The following NEXMIF variants were observed in gnomAD, a reference collection of about 807,000 sequenced individuals.
NEXMIF encodes the protein XLMR protein related to neurite extension.
In NEXMIF, 8 loss-of-function variants were observed where a neutral mutation model predicts 62.1. That is an observed-to-expected ratio of 0.13 (90% CI 0.08 to 0.23). The LOEUF (loss-of-function observed/expected upper bound fraction) is 0.23. NEXMIF is among the 10% of genes least tolerant of loss of function. The pLI is 1.00. For synonymous variants in NEXMIF, 404 were observed against 416.6 expected, an observed-to-expected ratio of 0.97 and a Z score of 0.37; for missense variants, 976 against 1,113.3, an observed-to-expected ratio of 0.88 and a Z score of 1.75.
At chrX:74,795,625 C>T (rs1348874955) in intron 1 of NEXMIF, among the ~76,000 whole-genome samples, 2 of 111,341 alleles carry the variant, frequency 1.8e-5, no homozygotes, top group African/African-American at 3.3e-5. Context: ...GAGCACATGA[C>T]ATTATGCATT....
At chrX:74,922,141 T>C (rs1419823231) in intron 1 of NEXMIF, among the ~76,000 whole-genome samples, 5 of 111,647 alleles carry the variant, frequency 4.5e-5, no homozygotes, top group Non-Finnish European at 9.4e-5. Context: ...CTCCAACACT[T>C]AGCACTTTTC....
At chrX:74,764,926 A>C (rs1216141438) in intron 1 of NEXMIF, among the ~76,000 whole-genome samples, 1 of 111,641 alleles carries the variant, frequency 9.0e-6, no homozygotes, top group Non-Finnish European at 1.9e-5. Flanking sequence ...CATTCTGTAG[A>C]GGTCTATCAG....
intron 1 of NEXMIF, among the ~76,000 whole-genome samples, chrX:74,905,740 T>C (rs770793161): frequency 9.1e-6 from 1 of 110,020 alleles, no homozygotes; most frequent in African/African-American, 3.3e-5. Context: ...AACTCAGGAG[T>C]TGGAGGCTGC....
intron 1 of NEXMIF, among the ~76,000 whole-genome samples, chrX:74,774,885 C>T (rs2080224182): frequency 9.0e-6 from 1 of 111,616 alleles, no homozygotes; most frequent in Non-Finnish European, 1.9e-5. Flanking sequence ...GAAAACTGCA[C>T]ACTCACATTT....
chrX:74,904,074 G>A (rs752899097), intron 1 of NEXMIF, among the ~76,000 whole-genome samples: 44 of 111,044 alleles, frequency 4.0e-4, no homozygotes, highest in African/African-American at 1.4e-3. Context: ...AACTACCACA[G>A]TCTTTTCCTC....
chrX:74,891,262 G>A (rs62612362), intron 1 of NEXMIF, among the ~76,000 whole-genome samples: 3,048 of 109,803 alleles, frequency 0.028, 47 homozygotes, highest in Middle Eastern at 0.061. Flanking sequence ...AGGCAGAGCA[G>A]CTCCGCCTCA....
chrX:74,835,625 T>C (rs1488355794), intron 1 of NEXMIF, among the ~76,000 whole-genome samples: 1 of 111,559 alleles, frequency 9.0e-6, no homozygotes, highest in East Asian at 2.8e-4. Context: ...AAACAGTCTC[T>C]GTCTCTGAGC....
At position 74,742,206 on chromosome X, in the gene NEXMIF, C is replaced by A. The variant is rs770027434; in HGVS notation, c.2351G>T (p.Ser784Ile). Residue 784 changes from serine to isoleucine, a missense_variant, in exon 3 of 4, where the codon AGT becomes ATT. By Grantham distance (142) the Ser-to-Ile change is moderately radical. Transcript: ENST00000055682. ...GCATGTCGTTGGTAGAAAAGTGGAA[C>A]TCTTAGCAGCCTTTGCCTCATGAAA... ...SEFHEAKAAKSSTFLPTTCSS... is the reference protein window; with the variant it reads ...SEFHEAKAAKISTFLPTTCSS... 1 of 1,209,593 alleles carries A rather than the reference C, an allele frequency of 8.3e-7. No individual in the cohort carries two copies. The highest frequency in any genetic ancestry group is 1.1e-6 in the Non-Finnish European group (1 of 894,909).
intron 1 of NEXMIF, among the ~76,000 whole-genome samples, chrX:74,897,809 C>T (rs1389836223): frequency 1.8e-5 from 2 of 111,674 alleles, no homozygotes; most frequent in African/African-American, 6.5e-5. Flanking sequence ...CAAATTAAAC[C>T]ACATGGTGAA....
In NEXMIF at chrX:74,743,702, T is replaced by C. The variant is rs3762242; in HGVS notation, c.855A>G (p.Leu285=). The part of the protein sequence containing the change: ...LCSKNELSVN[L]FSEEDVDNYM... ...AGTTATCCACATCTTCTTCAGAGAA[T>C]AGGTTGACAGACAGCTCATTTTTGG... The change falls in exon 3 of 4, where the codon CTA becomes CTG. Residue 285 remains leucine, a synonymous_variant. Transcript: ENST00000055682. 1.9e-3 allele frequency: 2,271 copies of C among 1,210,141 alleles called. 23 individuals carry two copies. In the East Asian group the frequency reaches 0.038, roughly 20 times the overall value.
At chrX:74,835,660 G>C (rs1352969380) in intron 1 of NEXMIF, among the ~76,000 whole-genome samples, 1 of 111,206 alleles carries the variant, frequency 9.0e-6, no homozygotes, top group African/African-American at 3.3e-5. Flanking sequence ...GTGGGGGTAT[G>C]GTGATGGAAG....
chrX:74,898,859 TGAA>T (rs2080740430), intron 1 of NEXMIF, among the ~76,000 whole-genome samples: 1 of 111,120 alleles, frequency 9.0e-6, no homozygotes, highest in Non-Finnish European at 1.9e-5. Context: ...GAAAAGGAAA[TGAA>T]GAAATCAATT....
intron 1 of NEXMIF, among the ~76,000 whole-genome samples, chrX:74,751,159 G>T (rs759944575): frequency 5.0e-4 from 56 of 111,287 alleles, no homozygotes; most frequent in Middle Eastern, 9.3e-3. Flanking sequence ...GAACCCGGGA[G>T]GTTGAAGCCA....
At chrX:74,924,183 G>A (rs1232364130) in intron 1 of NEXMIF, among the ~76,000 whole-genome samples, 1 of 111,638 alleles carries the variant, frequency 9.0e-6, no homozygotes, top group African/African-American at 3.3e-5. Context: ...CCTACAGGGT[G>A]TACAAGACGC....
At chrX:74,808,325 A>G (rs1047149900) in intron 1 of NEXMIF, among the ~76,000 whole-genome samples, 5 of 111,033 alleles carry the variant, frequency 4.5e-5, no homozygotes, top group Non-Finnish European at 9.4e-5. Context: ...GATCCCTTGA[A>G]CCCAGGAGTC....
chrX:74,795,409 T>C (rs1448331690), intron 1 of NEXMIF, among the ~76,000 whole-genome samples: 2 of 112,372 alleles, frequency 1.8e-5, no homozygotes, highest in Admixed American at 9.4e-5. Flanking sequence ...CTTAAATGCA[T>C]TTTGCTAGGA....
intron 1 of NEXMIF, among the ~76,000 whole-genome samples, chrX:74,847,094 T>C (rs895297836): frequency 1.3e-4 from 15 of 112,579 alleles, no homozygotes; most frequent in African/African-American, 4.2e-4. Context: ...GTTTGTTTTC[T>C]GAAAACACAA....
At chrX:74,841,779 A>AT (rs1207394121) in intron 1 of NEXMIF, among the ~76,000 whole-genome samples, 2 of 111,950 alleles carry the variant, frequency 1.8e-5, no homozygotes, top group East Asian at 2.8e-4. Flanking sequence ...GATGAATCAC[A>AT]TTTTTTTGAT....
intron 1 of NEXMIF, among the ~76,000 whole-genome samples, chrX:74,781,265 A>G (rs1215926969): frequency 8.9e-6 from 1 of 112,580 alleles, no homozygotes; most frequent in Non-Finnish European, 1.9e-5. Flanking sequence ...ATATTGAGAG[A>G]GGTTGCTACG....
Sources: gnomAD v4.1 joint callset for allele counts (sites outside exome capture counted in the v4.1 genomes callset) on GRCh38, gnomAD v4.1.1 for gene constraint, MANE v1.5 for transcripts, NCBI Gene and HGNC (gene_info 2026-07-23, HGNC 2026-07-21) for gene names.